Variants in USP24 observed in about 807,000 individuals in gnomAD.
USP24 encodes ubiquitin carboxyl-terminal hydrolase 24.
A neutral mutation model predicts 361.6 loss-of-function variants in USP24; 97 were observed. The ratio of observed to expected loss-of-function variants is 0.27; its 90% CI spans 0.23 to 0.32. The LOEUF (loss-of-function observed/expected upper bound fraction) is 0.32. USP24 is among the 10% of genes least tolerant of loss of function. The pLI is 1.00. For synonymous variants in USP24, 1,098 were observed against 1,124.6 expected, an observed-to-expected ratio of 0.98 and a Z score of 0.47; for missense variants, 2,353 against 3,165.6, an observed-to-expected ratio of 0.74 and a Z score of 6.16.
Position 55,122,776 on chromosome 1 carries a change from G to A in USP24, c.4276+671C>T, listed in dbSNP as rs117633731. ...ACCGGAAGAATAGAACTGCTTTTAA[G>A]TTGAGAAAACTCTAGGATGATATGG... On this transcript the variant is annotated intron_variant, in intron 36 of 67. Transcript: ENST00000294383. Among the ~76,000 whole-genome samples the A allele has an allele frequency of 3.1e-4, 47 of 152,296 alleles. No homozygotes were observed. The East Asian group carries it at 8.3e-3, about 27-fold the overall frequency.
chr1:55,208,485 G>A (rs1350847937), intron 1 of USP24, among the ~76,000 whole-genome samples: 2 of 151,592 alleles, frequency 1.3e-5, no homozygotes, highest in African/African-American at 2.4e-5. Flanking sequence ...AAAATTAGCC[G>A]GATGTGGTTG....
Position 55,106,174 on chromosome 1 carries a change from C to T in USP24, c.4852G>A (p.Ala1618Thr), listed in dbSNP as rs1384403309. The stretch of plus-strand genomic sequence containing the variant: ...GGATGAAAGTCCTGTTGACTGATGG[C>T]GGCACTGCCAGCTGGAGAATGACTA... ...LNSHSPAGSA[A>T]ISQQDFHPKC... Residue 1618 changes from alanine (A) to threonine (T), a missense_variant, in exon 41 of 68, where the codon GCC (alanine) becomes ACC (threonine). By Grantham distance (58) the Ala-to-Thr change is moderately conservative (BLOSUM62 0). This residue lies in a region of USP24 where 949 missense variants were observed against 1,280.5 expected (regional missense o/e 0.74). Coordinates refer to ENST00000294383, the MANE Select transcript of USP24 (RefSeq NM_015306.3). 5 of 1,613,658 alleles carry T rather than the reference C, an allele frequency of 3.1e-6. No homozygotes were observed. The highest frequency in any genetic ancestry group is 4.2e-6 in the Non-Finnish European group (5 of 1,179,642).
At position 55,104,011 on chromosome 1, in the gene USP24, T is replaced by C; in HGVS notation, c.4890A>G (p.Thr1630=). The change falls in exon 42 of 68, where the codon ACA becomes ACG. Residue 1630 remains threonine, a synonymous_variant. Coordinates refer to ENST00000294383, the MANE Select transcript of USP24 (RefSeq NM_015306.3). ...SQQDFHPKCS[T]ANSRLAAYEV... ...CATAGGCTGCCAATCGGCTATTCGC[T>C]GTACTACACCTAGAAACAAAAGACA... 1 of 1,606,540 alleles carries C rather than the reference T, an allele frequency of 6.2e-7. No individual in the cohort carries two copies. Among genetic ancestry groups the C allele is most frequent in the Non-Finnish European group, 8.5e-7 (1 of 1,176,614 alleles).
chr1:55,099,463 T>C (rs78558159), intron 45 of USP24, among the ~76,000 whole-genome samples: 2,194 of 151,744 alleles, frequency 0.014, 66 homozygotes, highest in African/African-American at 0.051. Context: ...GAGGCTGAGG[T>C]GCAAGAATCT....
intron 43 of USP24, 48 bp from the exon 44 acceptor site, chr1:55,101,012 A>G (rs1426334188): frequency 1.9e-6 from 3 of 1,587,460 alleles, no homozygotes; most frequent in Admixed American, 3.6e-5. Context: ...AAAATGCTTC[A>G]CAGGAAACTC....
rs145180319 is a variant in USP24, at chr1:55,158,180, T to C, written c.1227+698A>G. Among the ~76,000 whole-genome samples, 663 of 152,338 alleles carry C rather than the reference T, an allele frequency of 4.4e-3. 1 individual carries two copies. The highest frequency in any genetic ancestry group is 7.0e-3 in the Non-Finnish European group (476 of 68,024). On this transcript the variant is annotated intron_variant, in intron 10 of 67. Coordinates refer to ENST00000294383, the MANE Select transcript of USP24 (RefSeq NM_015306.3). ...GGACAGAGTCCTGACAGTGGTCAGC[T>C]TGCAAATTCTAGTTGTTCTGTTGCC... is the stretch of plus-strand genomic sequence containing the variant.
chr1:55,113,565 C>T (rs985941291), intron 38 of USP24, among the ~76,000 whole-genome samples: 8 of 152,116 alleles, frequency 5.3e-5, no homozygotes, highest in African/African-American at 1.7e-4. Flanking sequence ...CAAAACCTGG[C>T]AGAGACACAA....
At chr1:55,127,133 T>C (rs1175135560) in intron 32 of USP24, among the ~76,000 whole-genome samples, 2 of 151,990 alleles carry the variant, frequency 1.3e-5, no homozygotes, top group East Asian at 1.9e-4. Context: ...TAGTTACATA[T>C]GTATATATGT....
intron 16 of USP24, chr1:55,151,851 T>C (rs573701073): frequency 2.7e-5 from 26 of 958,318 alleles, no homozygotes; most frequent in Middle Eastern, 5.4e-4. Flanking sequence ...GGGTAATCAG[T>C]TGGGGGAATA....
chr1:55,142,807 T>C lies in USP24; in HGVS notation c.2581-12A>G, dbSNP rs756799504. 4 of 1,519,270 alleles carry C rather than the reference T, an allele frequency of 2.6e-6. No homozygotes were observed. The highest frequency in any genetic ancestry group is 1.4e-5 in the African/African-American group (1 of 71,622). 94.1% of individuals were successfully genotyped at this position (1,519,270 alleles called of 1,614,324 possible). ...AAAGATACTGAATCCTGAAAGAGTA[T>C]ATGGAAATTACAATTAGTCCTTGAC... is the stretch of plus-strand genomic sequence containing the variant. On this transcript the variant is annotated splice_polypyrimidine_tract_variant and intron_variant, in intron 22 of 67. Coordinates refer to ENST00000294383, the MANE Select transcript of USP24 (RefSeq NM_015306.3).
chr1:55,138,474 T>G, intron 26 of USP24, 134 bp downstream of exon 26: 3 of 592,650 alleles, frequency 5.1e-6, no homozygotes, highest in Non-Finnish European at 8.9e-6. Context: ...ACAGTTTCAT[T>G]TCAGGTCTTT....
chr1:55,071,513 A>C (rs563505963), intron 67 of USP24: 9 of 1,135,876 alleles, frequency 7.9e-6, no homozygotes, highest in Non-Finnish European at 9.8e-6. Context: ...AATAAAGTGA[A>C]CAAGCTGGAA....
chr1:55,103,720 C>A (rs1321720768), intron 42 of USP24, among the ~76,000 whole-genome samples, 156 bp downstream of exon 42: 1 of 152,140 alleles, frequency 6.6e-6, no homozygotes, highest in Non-Finnish European at 1.5e-5. Flanking sequence ...TAGAGTGATA[C>A]TATAGCTTAT....
rs1179262838 is a variant in USP24 at position 55,138,726 on chromosome 1, A to G, written c.2818-8T>C. 7 of 1,597,520 alleles carry G rather than the reference A, an allele frequency of 4.4e-6. No individual in the cohort carries two copies. The highest frequency in any genetic ancestry group is 6.0e-6 in the Non-Finnish European group (7 of 1,166,810). Reference sequence around the variant, plus strand: ...TGGAACAGAGTAAAAATCCTTAAAAAACGAATAAGTCAAGTCAGATGGACA... The same window carrying G: ...TGGAACAGAGTAAAAATCCTTAAAAGACGAATAAGTCAAGTCAGATGGACA... On this transcript the variant is annotated splice_region_variant and splice_polypyrimidine_tract_variant and intron_variant, in intron 25 of 67. Transcript: ENST00000294383.
intron 1 of USP24, among the ~76,000 whole-genome samples, chr1:55,203,520 T>C (rs1353834630): frequency 6.6e-6 from 1 of 152,234 alleles, no homozygotes; most frequent in African/African-American, 2.4e-5. Flanking sequence ...ATGCAGGAAA[T>C]ATTGTCAGTT....
chr1:55,076,166 G>C (rs986167497), intron 62 of USP24, among the ~76,000 whole-genome samples: 1 of 152,132 alleles, frequency 6.6e-6, no homozygotes, highest in Non-Finnish European at 1.5e-5. Flanking sequence ...TGATCCTAAG[G>C]ATAAGAGGTT....
chr1:55,188,499 A>C (rs1302291738), intron 1 of USP24, among the ~76,000 whole-genome samples: 1 of 152,102 alleles, frequency 6.6e-6, no homozygotes, highest in African/African-American at 2.4e-5. Context: ...TTACAACTCA[A>C]TAAAAAGACA....
intron 50 of USP24, among the ~76,000 whole-genome samples, chr1:55,095,610 G>C (rs1194063233): frequency 6.6e-6 from 1 of 152,188 alleles, no homozygotes; most frequent in Admixed American, 6.5e-5. Context: ...CTCTCACTTG[G>C]AAGTGATATA....
chr1:55,178,586 G>A (rs964944117), intron 1 of USP24, among the ~76,000 whole-genome samples: 25 of 151,714 alleles, frequency 1.6e-4, no homozygotes, highest in African/African-American at 4.8e-5. Flanking sequence ...GGAGAATGGC[G>A]TGAACCCGGG....
Sources: allele counts gnomAD v4.1 joint callset (sites outside exome capture counted in the v4.1 genomes callset), GRCh38; gene constraint gnomAD v4.1.1; regional missense constraint gnomAD v4.1.1; transcripts MANE v1.5; gene names NCBI Gene and HGNC (gene_info 2026-07-23, HGNC 2026-07-21).